Variants in AKR1C8 observed in about 807,000 individuals in gnomAD.
The protein encoded by AKR1C8 is aldo-keto reductase family 1 member C-like protein 1.
At chr10:5,141,227 C>A in the AKR1C8 span, among the ~76,000 whole-genome samples, 24 of 152,256 alleles carry the variant, frequency 1.6e-4, no homozygotes, top group East Asian at 2.3e-3. Flanking sequence ...TATGAAGGAA[C>A]TCTTAATCTC....
chr10:5,180,414 G>A, the AKR1C8 span, among the ~76,000 whole-genome samples: 5,144 of 152,316 alleles, frequency 0.034, 276 homozygotes, highest in African/African-American at 0.11. Flanking sequence ...TAGGCTGCTC[G>A]GGGGTTAGGG....
chr10:5,165,444 C>G, the AKR1C8 span, among the ~76,000 whole-genome samples: 2 of 152,090 alleles, frequency 1.3e-5, no homozygotes, highest in South Asian at 2.1e-4. Context: ...CTCAAAACCT[C>G]TAGTTTCCCA....
chr10:5,159,195 T>C, the AKR1C8 span, among the ~76,000 whole-genome samples: 2 of 152,164 alleles, frequency 1.3e-5, no homozygotes, highest in Non-Finnish European at 2.9e-5. Flanking sequence ...TTATGATGAA[T>C]GGAAAATGAC....
chr10:5,141,512 A>T, the AKR1C8 span, among the ~76,000 whole-genome samples: 3 of 152,160 alleles, frequency 2.0e-5, no homozygotes, highest in Non-Finnish European at 4.4e-5. Context: ...GATTCATCAG[A>T]AGAATCATTA....
At chr10:5,154,645 T>C in the AKR1C8 span, 1 of 152,520 alleles carries the variant, frequency 6.6e-6, no homozygotes, top group Non-Finnish European at 1.5e-5. Context: ...ATTTTTCTCA[T>C]TGAAAATGTT....
At chr10:5,138,008 T>A in the AKR1C8 span, among the ~76,000 whole-genome samples, 1 of 151,854 alleles carries the variant, frequency 6.6e-6, no homozygotes, top group Non-Finnish European at 1.5e-5. Context: ...GAACTACTGA[T>A]AAGGGTCCAA....
chr10:5,161,972 G>T, the AKR1C8 span: 1 of 523,348 alleles, frequency 1.9e-6, no homozygotes, highest in Admixed American at 2.0e-5. Flanking sequence ...GTAGCCCAAA[G>T]CTGCAGTGAC....
the AKR1C8 span, among the ~76,000 whole-genome samples, chr10:5,171,807 C>CA: frequency 6.6e-6 from 1 of 152,004 alleles, no homozygotes; most frequent in African/African-American, 2.4e-5. Flanking sequence ...ATTAACCTTC[C>CA]AAAACTTGCT....
At chr10:5,137,358 C>T in the AKR1C8 span, among the ~76,000 whole-genome samples, 1 of 152,124 alleles carries the variant, frequency 6.6e-6, no homozygotes, top group Non-Finnish European at 1.5e-5. Flanking sequence ...CAATAAAATA[C>T]TGGCAAACCG....
the AKR1C8 span, among the ~76,000 whole-genome samples, chr10:5,151,263 T>G: frequency 6.6e-6 from 1 of 152,154 alleles, no homozygotes; most frequent in Non-Finnish European, 1.5e-5. Context: ...TCTTATAGCC[T>G]CCAGCCGCAT....
the AKR1C8 span, among the ~76,000 whole-genome samples, chr10:5,150,632 T>C: frequency 1.2e-4 from 18 of 152,272 alleles, 1 homozygote; most frequent in East Asian, 2.1e-3. Context: ...CTTGAACTTT[T>C]GATTTTTGGA....
At chr10:5,154,616 C>T in the AKR1C8 span, 1 of 152,436 alleles carries the variant, frequency 6.6e-6, no homozygotes, top group African/African-American at 2.4e-5. Context: ...CCTCTGGGTA[C>T]AGAAAAGTTA....
At chr10:5,167,593 A>G in the AKR1C8 span, among the ~76,000 whole-genome samples, 8 of 152,314 alleles carry the variant, frequency 5.3e-5, no homozygotes, top group African/African-American at 1.4e-4. Context: ...ATGAGAACAC[A>G]TGGACACAGG....
At chr10:5,178,256 G>A in the AKR1C8 span, among the ~76,000 whole-genome samples, 1 of 152,190 alleles carries the variant, frequency 6.6e-6, no homozygotes, top group Non-Finnish European at 1.5e-5. Context: ...TCATTCAGGA[G>A]CAGGTTGTTC....
the AKR1C8 span, among the ~76,000 whole-genome samples, chr10:5,146,509 G>A: frequency 2.0e-5 from 3 of 152,124 alleles, no homozygotes; most frequent in African/African-American, 7.2e-5. Context: ...AGAAGCTTAT[G>A]TCTCGTAATA....
At chr10:5,123,650 A>G in the AKR1C8 span, 2 of 1,454,794 alleles carry the variant, frequency 1.4e-6, no homozygotes, top group Non-Finnish European at 1.9e-6. Context: ...AGAGAGTACC[A>G]TATAATTAAA....
the AKR1C8 span, chr10:5,161,809 C>G: frequency 0.068 from 36,357 of 534,674 alleles, 1,556 homozygotes; most frequent in Non-Finnish European, 0.086. Flanking sequence ...ATGCTTATAA[C>G]CATGATGAAA....
At chr10:5,154,143 A>G in the AKR1C8 span, 1 of 470,374 alleles carries the variant, frequency 2.1e-6, no homozygotes, top group Non-Finnish European at 4.4e-6. Flanking sequence ...CTCATGGTCA[A>G]TATTCTTCAG....
At chr10:5,123,715 G>C in the AKR1C8 span, 2 of 1,610,288 alleles carry the variant, frequency 1.2e-6, no homozygotes. Flanking sequence ...TATTACCATA[G>C]TTCATGTCGT....
Sources: gnomAD v4.1 joint callset for allele counts (sites outside exome capture counted in the v4.1 genomes callset) on GRCh38, gnomAD v4.1.1 for gene constraint, MANE v1.5 for transcripts, NCBI Gene and HGNC (gene_info 2026-07-23, HGNC 2026-07-21) for gene names.